The following GARRE1 variants were observed in gnomAD, a reference collection of about 807,000 sequenced individuals.
GARRE1 encodes the protein granule associated Rac and RHOG effector 1, also known as granule associated Rac and RHOG effector protein 1.
A neutral mutation model predicts 103.2 loss-of-function variants in GARRE1; 49 were observed. The observed-to-expected ratio is 0.47, with a 90% CI of 0.38 to 0.60. The LOEUF is 0.60. GARRE1 is among the 20% of genes least tolerant of loss of function. The pLI is 0.00. For synonymous variants in GARRE1, 505 were observed against 532.8 expected (o/e 0.95, Z 0.72); for missense variants, 1,199 against 1,370.5 (o/e 0.87, Z 1.98).
In GARRE1 at chr19:34,325,870, C is replaced by T. The variant is rs1385889483; in HGVS notation, c.706-1551C>T. Among the ~76,000 whole-genome samples the T allele has an allele frequency of 3.9e-5, 6 of 152,136 alleles. No individual in the cohort carries two copies. The East Asian group carries it at 9.6e-4, about 24-fold the overall frequency. ...TCACGGACCCGTCTGTAGGTCTTGACACCCCCCACCCCACCCCACACACAT... is the reference window on the plus strand; with the variant it reads ...TCACGGACCCGTCTGTAGGTCTTGATACCCCCCACCCCACCCCACACACAT... On this transcript the variant is annotated intron_variant, in intron 3 of 13. Transcript: ENST00000299505.
chr19:34,256,089 T>C (rs2073670654), intron 1 of GARRE1, among the ~76,000 whole-genome samples: 1 of 151,914 alleles, frequency 6.6e-6, no homozygotes, highest in Admixed American at 6.6e-5. Flanking sequence ...TCCGCCTGGC[T>C]CGGCGTTCCA....
At chr19:34,352,134 C>T (rs939986444) in intron 13 of GARRE1, among the ~76,000 whole-genome samples, 9 of 149,796 alleles carry the variant, frequency 6.0e-5, no homozygotes, top group Non-Finnish European at 1.2e-4. Context: ...GGCGCAGTGG[C>T]GACGCCTGTA....
intron 3 of GARRE1, among the ~76,000 whole-genome samples, chr19:34,320,893 T>C (rs1366088765): frequency 1.4e-5 from 2 of 146,338 alleles, no homozygotes; most frequent in African/African-American, 5.2e-5. Context: ...TAGCTTATTA[T>C]TATTATTATT....
intron 2 of GARRE1, among the ~76,000 whole-genome samples, chr19:34,305,798 C>G (rs1292369651): frequency 6.6e-6 from 1 of 152,220 alleles, no homozygotes; most frequent in East Asian, 1.9e-4. Context: ...GGAATTTTGA[C>G]TTGGCTTTCC....
chr19:34,326,013 A>G (rs2074110120), intron 3 of GARRE1, among the ~76,000 whole-genome samples: 1 of 152,052 alleles, frequency 6.6e-6, no homozygotes, highest in Admixed American at 6.5e-5. Flanking sequence ...TTCTCCATTT[A>G]TAATTCTGTG....
chr19:34,265,878 G>C (rs2073748287), intron 1 of GARRE1, among the ~76,000 whole-genome samples: 1 of 152,172 alleles, frequency 6.6e-6, no homozygotes, highest in Non-Finnish European at 1.5e-5. Context: ...AAGTTAGTAA[G>C]TGCCATTTAT....
chr19:34,328,780 G>T (rs571593238), intron 6 of GARRE1, among the ~76,000 whole-genome samples: 1 of 152,076 alleles, frequency 6.6e-6, no homozygotes, highest in South Asian at 2.1e-4. Flanking sequence ...GCTAATTTTT[G>T]TATTTTTAGT....
At chr19:34,342,596 G>C in intron 10 of GARRE1, 141 bp downstream of exon 10, 1 of 738,616 alleles carries the variant, frequency 1.4e-6, no homozygotes, top group Non-Finnish European at 2.2e-6. Context: ...CACTGTGGAG[G>C]CAAGTATGGG....
chr19:34,306,256 G>A (rs983082486), intron 2 of GARRE1, among the ~76,000 whole-genome samples: 1 of 152,202 alleles, frequency 6.6e-6, no homozygotes, highest in Non-Finnish European at 1.5e-5. Flanking sequence ...CCTCTACTCA[G>A]GAGCTCAGTC....
chr19:34,300,488 T>C lies in GARRE1; in HGVS notation c.15T>C (p.Ser5=). The change falls in exon 2 of 14, where the codon AGT becomes AGC. Residue 5 remains serine, a synonymous_variant. Coordinates refer to ENST00000299505, the MANE Select transcript of GARRE1 (RefSeq NM_014686.5). MYCC[S]AQDSKMDYKR... ...CCCCCTCCCGCATGTATTGCTGCAG[T>C]GCCCAGGACAGTAAAATGGACTACA... is the stretch of plus-strand genomic sequence containing the variant. 2 of 1,578,194 alleles carry C rather than the reference T, an allele frequency of 1.3e-6. No homozygotes were observed. Among genetic ancestry groups the C allele is most frequent in the Non-Finnish European group, 1.7e-6 (2 of 1,157,874 alleles).
intron 2 of GARRE1, among the ~76,000 whole-genome samples, chr19:34,306,682 A>G (rs1383960385): frequency 6.6e-6 from 1 of 152,238 alleles, no homozygotes; most frequent in Non-Finnish European, 1.5e-5. Context: ...GTTACTGGGC[A>G]CAGAGTCAGA....
chr19:34,300,609 G>A lies in GARRE1; in HGVS notation c.136G>A (p.Ala46Thr). 6.2e-7 allele frequency: 1 copy of A among 1,613,356 alleles called. No homozygotes were observed. The highest frequency in any genetic ancestry group is 8.5e-7 in the Non-Finnish European group (1 of 1,180,038). ...GGGCCGAGCACTGAGTGCTCCCCTG[G>A]CATCCACGGCCACCACTGCCCCCCT... ...ELGRALSAPL[A>T]STATTAPLGS... Residue 46 changes from alanine (A) to threonine (T), a missense_variant, in exon 2 of 14, where the codon GCA becomes ACA. Coordinates refer to ENST00000299505, the MANE Select transcript of GARRE1 (RefSeq NM_014686.5).
At chr19:34,320,143 G>C (rs2074079453) in intron 3 of GARRE1, 27 bp downstream of exon 3, 1 of 1,599,954 alleles carries the variant, frequency 6.3e-7, no homozygotes, top group Admixed American at 1.7e-5. Flanking sequence ...GGAGATTGGT[G>C]CCTGTGTTCA....
chr19:34,346,963 T>C (rs750494729), intron 10 of GARRE1, among the ~76,000 whole-genome samples: 1 of 150,900 alleles, frequency 6.6e-6, no homozygotes, highest in Non-Finnish European at 1.5e-5. Flanking sequence ...TAGCTCTGTC[T>C]CTCAGGCTGG....
intron 1 of GARRE1, among the ~76,000 whole-genome samples, chr19:34,294,731 G>C (rs1599760001): frequency 6.6e-6 from 1 of 152,170 alleles, no homozygotes; most frequent in South Asian, 2.1e-4. Context: ...TTCAGACAGA[G>C]TCTCTCTCTG....
At chr19:34,262,192 C>A (rs1014464048) in intron 1 of GARRE1, among the ~76,000 whole-genome samples, 2 of 150,058 alleles carry the variant, frequency 1.3e-5, no homozygotes, top group African/African-American at 2.4e-5. Flanking sequence ...ACCATATTGG[C>A]CAGGCTGGTC....
At chr19:34,313,273 T>C (rs1260948651) in intron 2 of GARRE1, among the ~76,000 whole-genome samples, 2 of 152,114 alleles carry the variant, frequency 1.3e-5, no homozygotes, top group Non-Finnish European at 2.9e-5. Context: ...CCTGGGGCAC[T>C]CCCACATTTA....
At chr19:34,308,551 T>A (rs1316967649) in intron 2 of GARRE1, among the ~76,000 whole-genome samples, 1 of 152,226 alleles carries the variant, frequency 6.6e-6, no homozygotes, top group Non-Finnish European at 1.5e-5. Context: ...GCAGCTGGAA[T>A]TTGGGTGATT....
At chr19:34,309,294 AAG>A (rs1171610234) in intron 2 of GARRE1, among the ~76,000 whole-genome samples, 1 of 152,204 alleles carries the variant, frequency 6.6e-6, no homozygotes, top group East Asian at 1.9e-4. Flanking sequence ...TCTAGATTAA[AAG>A]AGTTAAGCAA....
Sources: gnomAD v4.1 joint callset for allele counts (sites outside exome capture counted in the v4.1 genomes callset) on GRCh38, gnomAD v4.1.1 for gene constraint, MANE v1.5 for transcripts, NCBI Gene and HGNC (gene_info 2026-07-23, HGNC 2026-07-21) for gene names.